Variants in PAM observed in about 807,000 individuals in gnomAD.
PAM encodes peptidyl-glycine alpha-amidating monooxygenase.
PAM carries 72 observed loss-of-function variants against 122.1 expected under a neutral mutation model. The observed-to-expected ratio is 0.59, with a 90% CI of 0.49 to 0.72. PAM has a LOEUF of 0.72. Among genes scored for constraint, PAM ranks in the 30% least tolerant of loss-of-function variants. PAM has a pLI of 0.00. For synonymous variants in PAM, 389 were observed against 404.4 expected (o/e 0.96, Z 0.46); for missense variants, 1,106 against 1,183.7 (o/e 0.93, Z 0.96).
chr5:102,916,726 A>G (rs1011595305), intron 5 of PAM, among the ~76,000 whole-genome samples: 4 of 146,532 alleles, frequency 2.7e-5, no homozygotes, highest in Non-Finnish European at 6.0e-5. Context: ...TATATATCAT[A>G]TATTTATTTT....
intron 3 of PAM, among the ~76,000 whole-genome samples, chr5:102,889,041 T>C (rs1015107851): frequency 6.6e-6 from 1 of 151,932 alleles, no homozygotes; most frequent in Admixed American, 6.6e-5. Flanking sequence ...GTTTCCACTT[T>C]ATAATTTTTA....
At chr5:102,849,815 G>T (rs1022270709) in intron 1 of PAM, among the ~76,000 whole-genome samples, 1 of 152,070 alleles carries the variant, frequency 6.6e-6, no homozygotes, top group African/African-American at 2.4e-5. Flanking sequence ...AACATATTCG[G>T]GAAAATGAAT....
intron 3 of PAM, among the ~76,000 whole-genome samples, chr5:102,898,214 A>G (rs1300524657): frequency 6.6e-6 from 1 of 151,528 alleles, no homozygotes; most frequent in Admixed American, 6.6e-5. Flanking sequence ...AATAGATAGC[A>G]CTGGGCACCA....
intron 3 of PAM, among the ~76,000 whole-genome samples, chr5:102,878,073 A>G (rs1262779581): frequency 1.3e-5 from 2 of 152,062 alleles, no homozygotes; most frequent in Non-Finnish European, 2.9e-5. Flanking sequence ...AAATCTCTAT[A>G]TATAATTATA....
At chr5:102,982,940 AGAG>A (rs1302908843) in intron 15 of PAM, among the ~76,000 whole-genome samples, 1 of 152,162 alleles carries the variant, frequency 6.6e-6, no homozygotes, top group Non-Finnish European at 1.5e-5. Flanking sequence ...GTAAAATAGA[AGAG>A]AACACAGATA....
At chr5:102,959,452 T>C (rs189741352) in intron 12 of PAM, among the ~76,000 whole-genome samples, 2 of 152,126 alleles carry the variant, frequency 1.3e-5, no homozygotes, top group Admixed American at 6.6e-5. Context: ...ATGATAATTA[T>C]ATTGAAGGTT....
chr5:102,866,306 G>T, intron 2 of PAM, 22 bp downstream of exon 2: 1 of 1,459,944 alleles, frequency 6.8e-7, no homozygotes, highest in Non-Finnish European at 9.6e-7. Flanking sequence ...TTGTTCGGGT[G>T]CTTTCTGTGC....
intron 1 of PAM, among the ~76,000 whole-genome samples, chr5:102,772,661 G>A (rs1337673427): frequency 6.6e-6 from 1 of 152,140 alleles, no homozygotes; most frequent in Non-Finnish European, 1.5e-5. Context: ...TAATGTCTTA[G>A]TTTATAGCAC....
At chr5:102,814,986 C>CAA (rs1485416400) in intron 1 of PAM, among the ~76,000 whole-genome samples, 6 of 151,960 alleles carry the variant, frequency 3.9e-5, no homozygotes, top group African/African-American at 1.4e-4. Context: ...AGTTACTTTA[C>CAA]AATGAGCTGT....
At chr5:102,800,201 T>C (rs1327996929) in intron 1 of PAM, among the ~76,000 whole-genome samples, 1 of 152,156 alleles carries the variant, frequency 6.6e-6, no homozygotes, top group Non-Finnish European at 1.5e-5. Context: ...GCCTAGAAGC[T>C]TCTATTCTTC....
chr5:102,782,719 C>G lies in PAM; in HGVS notation c.-374+27371C>G, dbSNP rs868215136. ...TTTCTCCATTTCTCTCTCTCTCTCT[C>G]TCTCTCTGTGTGTGTGTGTGTGTGT... On this transcript the variant is annotated intron_variant, in intron 1 of 25. Coordinates refer to ENST00000438793, the MANE Select transcript of PAM (RefSeq NM_001177306.2). 2.2e-3 allele frequency among the ~76,000 whole-genome samples: 319 copies of G among 146,108 alleles called. 2 individuals are homozygous for G. Among genetic ancestry groups the G allele is most frequent in the African/African-American group, 8.0e-3 (301 of 37,700 alleles).
At chr5:102,810,815 C>A (rs193138345) in intron 1 of PAM, among the ~76,000 whole-genome samples, 1 of 151,558 alleles carries the variant, frequency 6.6e-6, no homozygotes, top group African/African-American at 2.4e-5. Context: ...GCAACAAGAG[C>A]GAAACTCCAT....
At chr5:103,029,963 A>G (rs1478052242), downstream of PAM, 1 of 152,238 alleles carries the variant, frequency 6.6e-6, no homozygotes, top group East Asian at 1.9e-4. Flanking sequence ...TATATCAATC[A>G]GAGGATAAAT....
intron 1 of PAM, among the ~76,000 whole-genome samples, chr5:102,845,124 CT>C (rs1260676784): frequency 6.6e-6 from 1 of 152,222 alleles, no homozygotes; most frequent in Non-Finnish European, 1.5e-5. Context: ...AATACTAAAG[CT>C]GCAGTCCGTG....
intron 4 of PAM, among the ~76,000 whole-genome samples, chr5:102,905,523 C>A (rs933596234): frequency 6.6e-6 from 1 of 151,660 alleles, no homozygotes; most frequent in Admixed American, 6.6e-5. Flanking sequence ...TCTTAAAGCA[C>A]ATGATCAAGT....
At chr5:102,897,601 T>C (rs993177701) in intron 3 of PAM, among the ~76,000 whole-genome samples, 8 of 151,668 alleles carry the variant, frequency 5.3e-5, no homozygotes, top group African/African-American at 1.9e-4. Flanking sequence ...CTATGACTTA[T>C]GGCCTATTTA....
At chr5:103,030,902 G>A (rs1172401030), downstream of PAM, 1 of 152,184 alleles carries the variant, frequency 6.6e-6, no homozygotes, top group African/African-American at 2.4e-5. Context: ...TTCGAGAATA[G>A]CTATTCTATC....
chr5:102,901,734 A>C (rs1041936788), intron 4 of PAM, among the ~76,000 whole-genome samples: 1 of 151,476 alleles, frequency 6.6e-6, no homozygotes, highest in African/African-American at 2.4e-5. Flanking sequence ...TCCACTCAAC[A>C]GACAGTTTAT....
chr5:102,870,727 G>A (rs1219297956), intron 3 of PAM, among the ~76,000 whole-genome samples: 1 of 152,176 alleles, frequency 6.6e-6, no homozygotes, highest in Non-Finnish European at 1.5e-5. Context: ...GAAGATTAGA[G>A]AGAAGAGTAG....
Sources: allele counts gnomAD v4.1 joint callset (sites outside exome capture counted in the v4.1 genomes callset), GRCh38; gene constraint gnomAD v4.1.1; transcripts MANE v1.5; gene names NCBI Gene and HGNC (gene_info 2026-07-23, HGNC 2026-07-21).